Variants in CNTNAP2 observed in about 807,000 individuals in gnomAD.
CNTNAP2 encodes the protein contactin associated protein 2.
CNTNAP2 carries 98 observed loss-of-function variants against 155.2 expected under a neutral mutation model. The ratio of observed to expected loss-of-function variants is 0.63; its 90% confidence interval spans 0.54 to 0.75. The LOEUF (loss-of-function observed/expected upper bound fraction) is 0.75. CNTNAP2 is among the 30% of genes least tolerant of loss of function. The pLI is 0.00. For synonymous variants in CNTNAP2, 651 were observed against 631.2 expected (o/e 1.03, Z -0.47); for missense variants, 1,727 against 1,688.1 (o/e 1.02, Z -0.40).
intron 1 of CNTNAP2, among the ~76,000 whole-genome samples, chr7:146,443,809 C>A (rs1401663669): frequency 2.0e-5 from 3 of 152,130 alleles, no homozygotes; most frequent in African/African-American, 7.2e-5. Flanking sequence ...CATATAATTT[C>A]TTTGTGCCCC....
intron 1 of CNTNAP2, among the ~76,000 whole-genome samples, chr7:146,376,982 A>G (rs1795312709): frequency 6.6e-6 from 1 of 152,136 alleles, no homozygotes; most frequent in Non-Finnish European, 1.5e-5. Context: ...AGGTTCCTTG[A>G]TCTTGGCCTT....
chr7:146,582,681 A>G (rs1461393823), intron 1 of CNTNAP2, among the ~76,000 whole-genome samples: 1 of 152,178 alleles, frequency 6.6e-6, no homozygotes, highest in Non-Finnish European at 1.5e-5. Flanking sequence ...GGCAAAAATT[A>G]ACCCAAGCAA....
intron 3 of CNTNAP2, among the ~76,000 whole-genome samples, chr7:146,893,946 G>A (rs1795827153): frequency 6.6e-6 from 1 of 152,118 alleles, no homozygotes; most frequent in African/African-American, 2.4e-5. Context: ...ACCTAGGAGA[G>A]TAATATTCTG....
chr7:147,199,314 C>T (rs1802875122), intron 8 of CNTNAP2, among the ~76,000 whole-genome samples: 1 of 152,040 alleles, frequency 6.6e-6, no homozygotes, highest in Non-Finnish European at 1.5e-5. Flanking sequence ...ACAGGTTCTC[C>T]TCACAGTCTA....
intron 4 of CNTNAP2, among the ~76,000 whole-genome samples, chr7:147,072,730 G>A (rs1237499521): frequency 6.6e-6 from 1 of 152,198 alleles, no homozygotes; most frequent in African/African-American, 2.4e-5. Context: ...TACCATGCAG[G>A]TATGGACTGA....
intron 1 of CNTNAP2, among the ~76,000 whole-genome samples, chr7:146,288,823 G>A (rs931198169): frequency 2.9e-4 from 5 of 17,314 alleles, no homozygotes; most frequent in Non-Finnish European, 5.7e-4. Context: ...TTTTTTTTTT[G>A]AGACAGAATC....
At chr7:146,638,152 A>T (rs1799630614) in intron 1 of CNTNAP2, among the ~76,000 whole-genome samples, 1 of 152,168 alleles carries the variant, frequency 6.6e-6, no homozygotes, top group African/African-American at 2.4e-5. Flanking sequence ...TAGCCAGGTT[A>T]AGAGAAACTG....
In CNTNAP2 at chr7:147,353,081, T is replaced by TTATA. The variant is rs139829172; in HGVS notation, c.1499-42517_1499-42514dup. ...ACTCTGTTTCAGCATGTAGAATTCT[T>TTATA]TATATATATATATAGACACACACAC... On this transcript the variant is annotated intron_variant, in intron 9 of 23. Transcript: ENST00000361727. 3.4e-3 allele frequency among the ~76,000 whole-genome samples: 477 copies of TTATA among 139,810 alleles called. 1 individual carries two copies. Among genetic ancestry groups the TTATA allele is most frequent in the African/African-American group, 4.8e-3 (178 of 37,440 alleles). 91.7% of individuals were successfully genotyped at this position (139,810 alleles called of 152,430 possible).
intron 1 of CNTNAP2, among the ~76,000 whole-genome samples, chr7:146,291,507 T>C (rs1443444024): frequency 6.6e-6 from 1 of 152,100 alleles, no homozygotes; most frequent in Non-Finnish European, 1.5e-5. Context: ...ACAGAAACCA[T>C]ATGTGTCCAA....
At chr7:148,076,649 A>G (rs1486389534) in intron 15 of CNTNAP2, among the ~76,000 whole-genome samples, 2 of 151,364 alleles carry the variant, frequency 1.3e-5, no homozygotes, top group Admixed American at 1.3e-4. Flanking sequence ...GTTAGCCAGG[A>G]TGGTCTCGAT....
chr7:146,874,645 TTCTTTTTA>T (rs568629531), intron 3 of CNTNAP2, among the ~76,000 whole-genome samples: 54 of 152,308 alleles, frequency 3.5e-4, no homozygotes, highest in African/African-American at 1.1e-3. Context: ...GGCCTCATGT[TTCTTTTTA>T]TAACAGAAAA....
chr7:147,570,660 C>T (rs998092780), intron 12 of CNTNAP2, among the ~76,000 whole-genome samples: 5 of 152,136 alleles, frequency 3.3e-5, no homozygotes, highest in Admixed American at 2.0e-4. Flanking sequence ...TAACTCATGA[C>T]GACCTCACAA....
At chr7:148,095,552 A>G (rs973945107) in intron 15 of CNTNAP2, among the ~76,000 whole-genome samples, 1 of 152,236 alleles carries the variant, frequency 6.6e-6, no homozygotes, top group African/African-American at 2.4e-5. Flanking sequence ...CTAATGAAAA[A>G]GAACTGCAAG....
chr7:147,919,989 G>A (rs923268018), intron 14 of CNTNAP2, among the ~76,000 whole-genome samples: 9 of 151,886 alleles, frequency 5.9e-5, no homozygotes, highest in Admixed American at 2.0e-4. Context: ...AAAAGACCCC[G>A]TAAAGCTTTA....
chr7:147,937,286 G>T (rs903250133), intron 14 of CNTNAP2, among the ~76,000 whole-genome samples: 1 of 152,072 alleles, frequency 6.6e-6, no homozygotes, highest in Non-Finnish European at 1.5e-5. Context: ...TATCCTTCAT[G>T]TTTTCTCACA....
chr7:147,143,409 A>T (rs1188007761), intron 8 of CNTNAP2, among the ~76,000 whole-genome samples: 1 of 152,194 alleles, frequency 6.6e-6, no homozygotes, highest in East Asian at 1.9e-4. Flanking sequence ...CATTTGTTTG[A>T]CATGATTTAT....
intron 2 of CNTNAP2, among the ~76,000 whole-genome samples, chr7:146,822,203 C>T (rs533499618): frequency 6.6e-6 from 1 of 152,046 alleles, no homozygotes; most frequent in East Asian, 1.9e-4. Context: ...CCATCATTCT[C>T]AGCAAACTAT....
At chr7:146,390,402 T>C (rs182551338) in intron 1 of CNTNAP2, among the ~76,000 whole-genome samples, 13 of 152,056 alleles carry the variant, frequency 8.5e-5, no homozygotes, top group South Asian at 2.1e-4. Context: ...ATGAGACCCA[T>C]TGACGACTGC....
intron 1 of CNTNAP2, among the ~76,000 whole-genome samples, chr7:146,120,090 G>C (rs58509006): frequency 0.021 from 3,126 of 151,852 alleles, 118 homozygotes; most frequent in African/African-American, 0.072. Context: ...ATTATTTTAA[G>C]TAACTAACGC....
Sources: allele counts gnomAD v4.1 joint callset (sites outside exome capture counted in the v4.1 genomes callset), GRCh38; gene constraint gnomAD v4.1.1; transcripts MANE v1.5; gene names NCBI Gene and HGNC (gene_info 2026-07-23, HGNC 2026-07-21).